FBXW12: variants seen among roughly 807,000 people sequenced by gnomAD.
FBXW12 encodes the protein F-box and WD repeat domain containing 12.
FBXW12 carries 43 observed loss-of-function variants against 55.3 expected under a neutral mutation model. The observed-to-expected ratio is 0.78, with a 90% confidence interval of 0.61 to 1.00. The LOEUF (loss-of-function observed/expected upper bound fraction) is 1.00, where lower values mean the gene tolerates loss of function less well. Among genes scored for constraint, FBXW12 ranks in the 50% least tolerant of loss-of-function variants. The probability of loss-of-function intolerance (pLI) is 0.00; values close to 1 mark genes in which losing one functional copy is unlikely to be tolerated. For missense variants in FBXW12, 524 were observed against 560.5 expected (o/e 0.93, Z 0.66); for synonymous variants, 184 against 203.8 (o/e 0.90, Z 0.83).
At chr3:48,389,167 G>A (rs761061373) in intron 10 of FBXW12, among the ~76,000 whole-genome samples, 3 of 152,150 alleles carry the variant, frequency 2.0e-5, no homozygotes, top group Non-Finnish European at 4.4e-5. Flanking sequence ...AAGGTTAGGC[G>A]ATTGCTTGAG....
chr3:48,382,833 T>A (rs1019263954), intron 10 of FBXW12, among the ~76,000 whole-genome samples: 2 of 152,232 alleles, frequency 1.3e-5, no homozygotes, highest in Non-Finnish European at 2.9e-5. Flanking sequence ...TGCTAGTCAT[T>A]ATACTGCTTA....
intron 6 of FBXW12, among the ~76,000 whole-genome samples, chr3:48,378,840 C>T (rs1034949543): frequency 1.3e-5 from 2 of 152,100 alleles, no homozygotes; most frequent in Non-Finnish European, 2.9e-5. Flanking sequence ...ACCTCGTGAT[C>T]TGCCCACCTC....
At position 48,379,479 on chromosome 3, in the gene FBXW12, A is replaced by G; in HGVS notation, c.695A>G (p.Tyr232Cys). The G allele has an allele frequency of 6.2e-7, 1 of 1,613,920 alleles. No homozygotes were observed. Among genetic ancestry groups the G allele is most frequent in the South Asian group, 1.1e-5 (1 of 91,082 alleles). ...GTTTCTAAAGTTACTGCATTTCAAT[A>G]TGGTATTGTACTTCTACACTGCTCT... ...RDVSKVTAFQYGIVLLHCSPD... is the reference protein window; with the variant it reads ...RDVSKVTAFQCGIVLLHCSPD... The change falls in exon 7 of 11, where the codon TAT becomes TGT. Residue 232 changes from tyrosine to cysteine, a missense_variant. Transcript: ENST00000296438.
intron 10 of FBXW12, among the ~76,000 whole-genome samples, chr3:48,392,506 A>G (rs114851176): frequency 0.013 from 1,939 of 150,008 alleles, 40 homozygotes; most frequent in African/African-American, 0.044. Flanking sequence ...TTTGATTACT[A>G]TAGTTTTGTG....
At position 48,378,365 on chromosome 3, in the gene FBXW12, C is replaced by T. The variant is rs2036714298; in HGVS notation, c.454C>T (p.Leu152=). 6.2e-7 allele frequency: 1 copy of T among 1,614,018 alleles called. No individual in the cohort carries two copies. The highest frequency in any genetic ancestry group is 1.3e-5 in the African/African-American group (1 of 74,928). Residue 152 remains leucine (L), a synonymous_variant, in exon 6 of 11, where the codon CTG becomes TTG. Coordinates refer to ENST00000296438, the MANE Select transcript of FBXW12 (RefSeq NM_207102.2). ...AGTCCAGGAGTTCCATTTCTCAAATCTGGTAACCCTCCCTCAGATGCATCT... is the reference window on the plus strand; with the variant it reads ...AGTCCAGGAGTTCCATTTCTCAAATTTGGTAACCCTCCCTCAGATGCATCT... ...SPVQEFHFSN[L]VTLPQMHLAI...
chr3:48,386,686 T>G (rs975302655), intron 10 of FBXW12, among the ~76,000 whole-genome samples: 17 of 152,218 alleles, frequency 1.1e-4, no homozygotes, highest in African/African-American at 4.1e-4. Flanking sequence ...TTTCAGTATA[T>G]ACATCTTTTA....
At chr3:48,376,139 G>A (rs1240998519) in intron 5 of FBXW12, among the ~76,000 whole-genome samples, 1 of 151,722 alleles carries the variant, frequency 6.6e-6, no homozygotes, top group Non-Finnish European at 1.5e-5. Flanking sequence ...GCGCCACGAT[G>A]CCCAGCTAAT....
Position 48,379,715 on chromosome 3 carries a change from G to A in FBXW12, c.774+157G>A, listed in dbSNP as rs895114256. On this transcript the variant is annotated intron_variant, in intron 7 of 10. Transcript: ENST00000296438. ...TCCATTGTGATGGTCAGGAAACAAT[G>A]CTCTTTGAAGTAACAACATCCAGTT... 3 of 629,480 alleles carry A rather than the reference G, an allele frequency of 4.8e-6. No homozygotes were observed. In the Admixed American group the frequency reaches 8.5e-5, roughly 18 times the overall value. 39.0% of individuals were successfully genotyped at this position (629,480 alleles called of 1,614,324 possible).
At chr3:48,384,857 T>A (rs950493534) in intron 10 of FBXW12, among the ~76,000 whole-genome samples, 11 of 152,208 alleles carry the variant, frequency 7.2e-5, no homozygotes, top group Admixed American at 7.2e-4. Context: ...TTATTAGTTT[T>A]TAATTAACAA....
chr3:48,391,278 C>A (rs1308350831), intron 10 of FBXW12, among the ~76,000 whole-genome samples: 1 of 151,028 alleles, frequency 6.6e-6, no homozygotes, highest in Non-Finnish European at 1.5e-5. Context: ...ACAAGACCCT[C>A]TCTGGGGGGA....
Position 48,372,705 on chromosome 3 carries a change from C to T in FBXW12, c.-63C>T, listed in dbSNP as rs1432324236. Reference sequence around the variant, plus strand: ...CAAGTGCTGCAGACTTTGGCAAAGCCTATAAATTCAGAGCAGCCCGGAGAG... The same window carrying T: ...CAAGTGCTGCAGACTTTGGCAAAGCTTATAAATTCAGAGCAGCCCGGAGAG... On this transcript the variant is annotated 5_prime_UTR_variant, in exon 2 of 11. Transcript: ENST00000296438. 8.7e-6 allele frequency: 14 copies of T among 1,613,144 alleles called. No homozygotes were observed. The highest frequency in any genetic ancestry group is 1.7e-6 in the Non-Finnish European group (2 of 1,179,342).
Position 48,381,833 on chromosome 3 carries a change from G to T in FBXW12, c.1119G>T (p.Leu373=). The change falls in exon 9 of 11, where the codon CTG becomes CTT. Residue 373 remains leucine (L), a synonymous_variant. Coordinates refer to ENST00000296438, the MANE Select transcript of FBXW12 (RefSeq NM_207102.2). ...LLLFSITGFL[L]QRFEDHQAAI... ...TCTTCAGCATCACTGGCTTCCTGCT[G>T]CAACGATTTGAGGACCATCAGGCAG... 1 of 1,609,182 alleles carries T rather than the reference G, an allele frequency of 6.2e-7. No homozygotes were observed.
In FBXW12 at chr3:48,382,007, G is replaced by A; in HGVS notation, c.1217G>A (p.Trp406Ter). Residue 406 changes from tryptophan to a stop codon, truncating the protein, a stop_gained, in exon 10 of 11, where the codon TGG (tryptophan) becomes TAG (stop). Coordinates refer to ENST00000296438, the MANE Select transcript of FBXW12 (RefSeq NM_207102.2). LOFTEE classifies it high-confidence loss of function. ...TSENSVHVYM[W>*]EEGGRHPYLR... ...GAGAACTCTGTGCACGTGTACATGT[G>A]GGAAGAAGGAGGCCGCCATCCATAC... The A allele has an allele frequency of 1.9e-6, 3 of 1,614,158 alleles. No homozygotes were observed. Among genetic ancestry groups the A allele is most frequent in the African/African-American group, 2.7e-5 (2 of 75,022 alleles).
chr3:48,378,321 C>G lies in FBXW12; in HGVS notation c.410C>G (p.Thr137Ser). 1 of 1,613,690 alleles carries G rather than the reference C, an allele frequency of 6.2e-7. No homozygotes were observed. Among genetic ancestry groups the G allele is most frequent in the South Asian group, 1.1e-5 (1 of 91,040 alleles). Residue 137 changes from threonine (T) to serine (S), a missense_variant, in exon 6 of 11, where the codon ACC (threonine) becomes AGC (serine). Thr to Ser is a moderately conservative substitution (Grantham distance 58, BLOSUM62 1). Transcript: ENST00000296438. Reference sequence around the variant, plus strand: ...CGTGTTACTCTCGTTTTCTAGGGTACCATGATCTGGTCAAGCCCAGTCCAG... The same window carrying G: ...CGTGTTACTCTCGTTTTCTAGGGTAGCATGATCTGGTCAAGCCCAGTCCAG... ...ELCAWDVQEGTMIWSSPVQEF... is the reference protein window; with the variant it reads ...ELCAWDVQEGSMIWSSPVQEF...
At position 48,381,710 on chromosome 3, in the gene FBXW12, C is replaced by T. The variant is rs546207852; in HGVS notation, c.996C>T (p.Ile332=). ...TTTACATGAAAACAGCATATGAGATCGCAAGTTTCCAGGTGGCAGCTCATC... is the reference window on the plus strand; with the variant it reads ...TTTACATGAAAACAGCATATGAGATTGCAAGTTTCCAGGTGGCAGCTCATC... ...GGQTVIQAYE[I]ASFQVAAHLK... Residue 332 remains isoleucine (I), a synonymous_variant, in exon 9 of 11, where the codon ATC becomes ATT. Transcript: ENST00000296438. 27 of 1,573,330 alleles carry T rather than the reference C, an allele frequency of 1.7e-5. No individual in the cohort carries two copies. The Admixed American group carries it at 2.1e-4, about 12-fold the overall frequency.
intron 1 of FBXW12, 131 bp from the exon 2 acceptor site, chr3:48,372,553 G>C (rs903955822): frequency 1.7e-6 from 2 of 1,179,082 alleles, no homozygotes; most frequent in East Asian, 5.1e-5. Flanking sequence ...GTGGGTTTAG[G>C]TAGGGATGCC....
intron 10 of FBXW12, among the ~76,000 whole-genome samples, chr3:48,388,661 CTTGTAGATAGAATCTGGTTGGG>C (rs1284514395): frequency 6.6e-6 from 1 of 152,024 alleles, no homozygotes; most frequent in Admixed American, 6.5e-5. Context: ...AAGTGAGTTT[CTTGTAGATAGAATCTGGTTGGG>C]TCATGCTTTT....
At chr3:48,388,920 A>G (rs2036882489) in intron 10 of FBXW12, among the ~76,000 whole-genome samples, 1 of 152,214 alleles carries the variant, frequency 6.6e-6, no homozygotes, top group Non-Finnish European at 1.5e-5. Flanking sequence ...ATATGCTATT[A>G]TTAACTATAG....
At chr3:48,376,514 G>A (rs570371677) in intron 5 of FBXW12, among the ~76,000 whole-genome samples, 6 of 152,150 alleles carry the variant, frequency 3.9e-5, no homozygotes, top group Non-Finnish European at 8.8e-5. Context: ...AAAACTGAGT[G>A]TGGCTTTTGT....
Sources: allele counts gnomAD v4.1 joint callset (sites outside exome capture counted in the v4.1 genomes callset), GRCh38; gene constraint gnomAD v4.1.1; transcripts MANE v1.5; gene names NCBI Gene and HGNC (gene_info 2026-07-23, HGNC 2026-07-21).